The following DHX58 variants were observed in gnomAD, a reference collection of about 807,000 sequenced individuals.
DHX58 encodes the protein ATP-dependent RNA helicase DHX58.
DHX58 carries 51 observed loss-of-function variants against 65.0 expected under a neutral mutation model. The observed-to-expected ratio is 0.78, with a 90% CI of 0.63 to 0.99. The LOEUF (loss-of-function observed/expected upper bound fraction) is 0.99. DHX58 is among the 50% of genes least tolerant of loss of function. The pLI is 0.00. For synonymous variants in DHX58, 350 were observed against 365.0 expected (o/e 0.96, Z 0.47); for missense variants, 773 against 891.8 (o/e 0.87, Z 1.70).
chr17:42,110,708 A>AG lies in DHX58; in HGVS notation c.561+14dup. The AG allele has an allele frequency of 6.3e-7, 1 of 1,576,250 alleles. No homozygotes were observed. ...GTGGGTCTGGCAGTGGGAGGCCCACAGGGGCCAGGCTGACCTGCAGGACGT... is the reference window on the plus strand; with the variant it reads ...GTGGGTCTGGCAGTGGGAGGCCCACAGGGGGCCAGGCTGACCTGCAGGACGT... On this transcript the variant is annotated intron_variant, in intron 5 of 13. Coordinates refer to ENST00000251642, the MANE Select transcript of DHX58 (RefSeq NM_024119.3).
rs781798193 is a variant in DHX58, at chr17:42,105,973, C to T, written c.1014G>A (p.Leu338=). The change falls in exon 9 of 14, where the codon CTG becomes CTA. Residue 338 remains leucine, a synonymous_variant. Coordinates refer to ENST00000251642, the MANE Select transcript of DHX58 (RefSeq NM_024119.3). ...CTGGGCCATGAGTTGCCAAGTGGGC[C>T]AGCTCATTCTTGCGGTCTGTCAAAA... is the stretch of plus-strand genomic sequence containing the variant. ...LALFDDRKNE[L]AHLATHGPEN... 1 of 1,613,140 alleles carries T rather than the reference C, an allele frequency of 6.2e-7. No individual in the cohort carries two copies. Among genetic ancestry groups the T allele is most frequent in the Non-Finnish European group, 8.5e-7 (1 of 1,179,688 alleles).
At chr17:42,102,106 T>A in intron 13 of DHX58, 110 bp downstream of exon 13, 2 of 1,441,606 alleles carry the variant, frequency 1.4e-6, no homozygotes, top group Non-Finnish European at 1.9e-6. Context: ...CTCTTCAGAC[T>A]GGAGGCCATG....
rs2054112846 is a variant in DHX58, at chr17:42,109,319, T to C, written c.629A>G (p.His210Arg). The change falls in exon 6 of 14, where the codon CAC becomes CGC. Residue 210 changes from histidine (H) to arginine (R), a missense_variant. Coordinates refer to ENST00000251642, the MANE Select transcript of DHX58 (RefSeq NM_024119.3). ...PQNCCPQLQEHSQQPCKQYNL... is the reference protein window; with the variant it reads ...PQNCCPQLQERSQQPCKQYNL... ...GTACTGTTTGCAAGGCTGTTGGCTGTGCTCCTGCAGCTGGGGGCAGCAGTT... is the reference window on the plus strand; with the variant it reads ...GTACTGTTTGCAAGGCTGTTGGCTGCGCTCCTGCAGCTGGGGGCAGCAGTT... The C allele has an allele frequency of 1.9e-6, 3 of 1,613,660 alleles. No individual in the cohort carries two copies. In the Admixed American group the frequency reaches 5.0e-5, roughly 27 times the overall value.
chr17:42,101,668 C>T lies in DHX58; in HGVS notation c.*93G>A. 1 of 1,514,102 alleles carries T rather than the reference C, an allele frequency of 6.6e-7. No individual in the cohort carries two copies. Among genetic ancestry groups the T allele is most frequent in the South Asian group, 1.3e-5 (1 of 78,380 alleles). The allele number at this position is 1,514,102 out of a possible 1,614,324, so 93.8% of individuals were successfully genotyped here. On this transcript the variant is annotated 3_prime_UTR_variant, in exon 14 of 14. Coordinates refer to ENST00000251642, the MANE Select transcript of DHX58 (RefSeq NM_024119.3). ...CTGTGTGGCTGGTGGGCCTGATGCC[C>T]ACAGCTGATGATTCAGGAAGGAGGG...
At position 42,111,489 on chromosome 17, in the gene DHX58, C is replaced by T. The variant is rs782176874; in HGVS notation, c.177G>A (p.Leu59=). 4.3e-6 allele frequency: 7 copies of T among 1,613,898 alleles called. No homozygotes were observed. Among genetic ancestry groups the T allele is most frequent in the Middle Eastern group, 3.3e-4 (2 of 6,062 alleles). Residue 59 remains leucine, a synonymous_variant, in exon 4 of 14, where the codon CTG becomes CTA. Coordinates refer to ENST00000251642, the MANE Select transcript of DHX58 (RefSeq NM_024119.3). The stretch of plus-strand genomic sequence containing the variant: ...TGAACTCTTCACCATGCTGGGTCAC[C>T]AGGTGCACCTGGGGGTGGAGAATGA... ...KVVVLVNRVH[L]VTQHGEEFRR...
chr17:42,111,458 T>G lies in DHX58; in HGVS notation c.208A>C (p.Met70Leu). Reference sequence around the variant, plus strand: ...GTCACGGTCCAGCGTCCATCCAGCATGCGCCTGAACTCTTCACCATGCTGG... The same window carrying G: ...GTCACGGTCCAGCGTCCATCCAGCAGGCGCCTGAACTCTTCACCATGCTGG... ...VTQHGEEFRR[M>L]LDGRWTVTTL... Residue 70 changes from methionine (M) to leucine (L), a missense_variant, in exon 4 of 14, where the codon ATG becomes CTG. Physicochemically the swap from Met to Leu is conservative, Grantham distance 15. Coordinates refer to ENST00000251642, the MANE Select transcript of DHX58 (RefSeq NM_024119.3). The G allele has an allele frequency of 1.2e-6, 2 of 1,614,110 alleles. No individual in the cohort carries two copies. Among genetic ancestry groups the G allele is most frequent in the Non-Finnish European group, 1.7e-6 (2 of 1,180,020 alleles).
rs782680790 is a variant in DHX58, at chr17:42,105,120, G to A, written c.1299C>T (p.Asn433=). 1 of 1,613,980 alleles carries A rather than the reference G, an allele frequency of 6.2e-7. No individual in the cohort carries two copies. Among genetic ancestry groups the A allele is most frequent in the Admixed American group, 1.7e-5 (1 of 59,998 alleles). Residue 433 remains asparagine (N), a synonymous_variant, in exon 10 of 14, where the codon AAC becomes AAT. Transcript: ENST00000251642. Reference sequence around the variant, plus strand: ...CCGCCACACTCGTGGCCACCAGAAGGTTCAGGGTTCCATCTTGGAACTTCT... The same window carrying A: ...CCGCCACACTCGTGGCCACCAGAAGATTCAGGGTTCCATCTTGGAACTTCT... ...VIQKFQDGTL[N]LLVATSVAEE... is the part of the protein sequence containing the mutation.
Position 42,108,104 on chromosome 17 carries a change from G to A in DHX58, c.683C>T (p.Pro228Leu). 6.2e-7 allele frequency: 1 copy of A among 1,614,210 alleles called. No homozygotes were observed. The highest frequency in any genetic ancestry group is 8.5e-7 in the Non-Finnish European group (1 of 1,180,038). Reference protein sequence around the residue: ...YNLCHRRSQDPFGDLLKKLMD... With the variant: ...YNLCHRRSQDLFGDLLKKLMD... ...GAGCTTCTTCAGCAAGTCCCCAAAC[G>A]GATCCTGAGCAAGAGGAGAGTTGGA... The change falls in exon 7 of 14, where the codon CCG becomes CTG. Residue 228 changes from proline to leucine, a missense_variant. By Grantham distance (98) the Pro-to-Leu change is moderately conservative. Transcript: ENST00000251642.
At chr17:42,109,189 G>A in intron 6 of DHX58, 81 bp downstream of exon 6, 1 of 1,195,110 alleles carries the variant, frequency 8.4e-7, no homozygotes, top group African/African-American at 1.5e-5. Context: ...CAGAGCTAGT[G>A]AGGGCAGAGT....
chr17:42,103,468 T>C (rs2054007799), intron 12 of DHX58, 140 bp downstream of exon 12: 1 of 1,122,364 alleles, frequency 8.9e-7, no homozygotes. Flanking sequence ...GAGACAGGGA[T>C]AAAACCTGTC....
intron 5 of DHX58, among the ~76,000 whole-genome samples, chr17:42,110,338 G>A (rs2054130483): frequency 6.6e-6 from 1 of 152,110 alleles, no homozygotes. Flanking sequence ...ACAAGGAGGA[G>A]GCAGCAGGAA....
intron 5 of DHX58, among the ~76,000 whole-genome samples, chr17:42,110,186 CAA>C (rs11318535): frequency 0.3 from 33,591 of 110,494 alleles, 7,678 homozygotes; most frequent in African/African-American, 0.68. Context: ...GACTCCATCT[CAA>C]AAAAAAAAAA....
Position 42,102,306 on chromosome 17 carries a change from G to C in DHX58, c.1761C>G (p.Tyr587Ter), listed in dbSNP as rs146040109. ...HVNVNPNFSN[Y>*]YNVSRDPVVI... ...CCACAGGATCCCTGGAGACATTATA[G>C]TAGTTCCTGGAGAGGAAGGGGGGTG... Residue 587 changes from tyrosine to a stop codon, truncating the protein, a stop_gained, in exon 13 of 14, where the codon TAC becomes TAG. Transcript: ENST00000251642. LOFTEE classifies it high-confidence loss of function. 2.4e-5 allele frequency: 39 copies of C among 1,613,978 alleles called. No homozygotes were observed. The highest frequency in any genetic ancestry group is 1.6e-4 in the Middle Eastern group (1 of 6,084).
intron 9 of DHX58, 104 bp from the exon 10 acceptor site, chr17:42,105,271 T>G: frequency 7.3e-7 from 1 of 1,377,276 alleles, no homozygotes; most frequent in African/African-American, 1.5e-5. Flanking sequence ...TCACTCCCAA[T>G]CTTGGTCCAT....
Position 42,110,813 on chromosome 17 carries a change from T to C in DHX58, c.471A>G (p.Ala157=). The C allele has an allele frequency of 1.2e-6, 2 of 1,613,990 alleles. No individual in the cohort carries two copies. Among genetic ancestry groups the C allele is most frequent in the Non-Finnish European group, 1.7e-6 (2 of 1,179,938 alleles). The part of the protein sequence containing the change: ...SQYLELKLQR[A]QPLPQVLGLT... ...GACCCAGCACCTGGGGTAGCGGCTG[T>C]GCCCTCTGGAGTTTAAGTTCTAGGT... Residue 157 remains alanine, a synonymous_variant, in exon 5 of 14, where the codon GCA becomes GCG. Transcript: ENST00000251642.
intron 7 of DHX58, 81 bp downstream of exon 7, chr17:42,107,901 C>T: frequency 6.3e-7 from 1 of 1,595,028 alleles, no homozygotes; most frequent in South Asian, 1.1e-5. Context: ...TAGGCCCCGC[C>T]CCAAAGGCCT....
chr17:42,103,760 C>A lies in DHX58; in HGVS notation c.1602G>T (p.Ala534=). The change falls in exon 12 of 14, where the codon GCG becomes GCT. Residue 534 remains alanine (A), a synonymous_variant. Transcript: ENST00000251642. ...DLQQAALTKR[A]AQAAQRENQR... is the part of the protein sequence containing the mutation. ...GGTTCTCCCGCTGGGCTGCCTGGGCCGCCCGCTTGGTCAAGGCTGCCTGCT... is the reference window on the plus strand; with the variant it reads ...GGTTCTCCCGCTGGGCTGCCTGGGCAGCCCGCTTGGTCAAGGCTGCCTGCT... 1.2e-6 allele frequency: 2 copies of A among 1,611,342 alleles called. No individual in the cohort carries two copies. Among genetic ancestry groups the A allele is most frequent in the Non-Finnish European group, 1.7e-6 (2 of 1,179,994 alleles).
chr17:42,103,772 C>T lies in DHX58; in HGVS notation c.1590G>A (p.Leu530=). ...AKIRDLQQAA[L]TKRAAQAAQR... Reference sequence around the variant, plus strand: ...GGGCTGCCTGGGCCGCCCGCTTGGTCAAGGCTGCCTGCTGCAGATCCCGGA... The same window carrying T: ...GGGCTGCCTGGGCCGCCCGCTTGGTTAAGGCTGCCTGCTGCAGATCCCGGA... The change falls in exon 12 of 14, where the codon TTG becomes TTA. Residue 530 remains leucine (L), a synonymous_variant. Transcript: ENST00000251642. The T allele has an allele frequency of 6.2e-7, 1 of 1,609,796 alleles. No homozygotes were observed. Among genetic ancestry groups the T allele is most frequent in the Non-Finnish European group, 8.5e-7 (1 of 1,179,918 alleles).
At chr17:42,108,177 A>G in intron 6 of DHX58, 69 bp from the exon 7 acceptor site, 2 of 1,607,534 alleles carry the variant, frequency 1.2e-6, no homozygotes, top group South Asian at 1.1e-5. Context: ...GGGGGTGCTG[A>G]CCCCGGCGTG....
Sources: allele counts gnomAD v4.1 joint callset (sites outside exome capture counted in the v4.1 genomes callset), GRCh38; gene constraint gnomAD v4.1.1; transcripts MANE v1.5; gene names NCBI Gene and HGNC (gene_info 2026-07-23, HGNC 2026-07-21).